Variants in RAPGEF2 observed in about 807,000 individuals in gnomAD.
RAPGEF2 encodes the protein Rap guanine nucleotide exchange factor 2.
In RAPGEF2, 54 loss-of-function variants were observed where a neutral mutation model predicts 186.7. The ratio of observed to expected loss-of-function variants is 0.29; its 90% CI spans 0.23 to 0.36. The LOEUF (loss-of-function observed/expected upper bound fraction) is 0.36. RAPGEF2 is among the 10% of genes least tolerant of loss of function. RAPGEF2 has a pLI of 1.00. For missense variants in RAPGEF2, 1,532 were observed against 2,045.0 expected (o/e 0.75, Z 4.84); for synonymous variants, 712 against 705.9 (o/e 1.01, Z -0.14).
Position 159,257,847 on chromosome 4 carries a change from A to G in RAPGEF2, c.543+14056A>G, listed in dbSNP as rs116429938. On this transcript the variant is annotated intron_variant, in intron 7 of 29. Transcript: ENST00000691494. The stretch of plus-strand genomic sequence containing the variant: ...CTGTAGACTTGTATAATTTGAAGTC[A>G]GGGTAGCATGATGCCTCCAGCTTTG... 3.5e-3 allele frequency among the ~76,000 whole-genome samples: 539 copies of G among 152,254 alleles called. 4 individuals are homozygous for G. Among genetic ancestry groups the G allele is most frequent in the African/African-American group, 0.012 (514 of 41,548 alleles).
At chr4:159,203,583 G>C (rs1231508521) in intron 3 of RAPGEF2, among the ~76,000 whole-genome samples, 2 of 152,160 alleles carry the variant, frequency 1.3e-5, no homozygotes, top group Non-Finnish European at 2.9e-5. Flanking sequence ...ATTTACAAGA[G>C]AAAATATACT....
intron 24 of RAPGEF2, 49 bp from the exon 25 acceptor site, chr4:159,346,740 C>G: frequency 6.8e-7 from 1 of 1,468,228 alleles, no homozygotes; most frequent in African/African-American, 1.4e-5. Context: ...TACATACCTA[C>G]TAGCATCTAA....
chr4:159,295,740 T>TGCGC (rs1761884964), intron 7 of RAPGEF2, among the ~76,000 whole-genome samples: 2 of 134,274 alleles, frequency 1.5e-5, no homozygotes, highest in Non-Finnish European at 3.1e-5. Context: ...TGTGTGTGTG[T>TGCGC]GTGTGTGTGT....
intron 8 of RAPGEF2, among the ~76,000 whole-genome samples, chr4:159,312,453 C>T (rs1281193854): frequency 2.0e-5 from 3 of 152,122 alleles, no homozygotes; most frequent in Non-Finnish European, 2.9e-5. Context: ...ACAACCTTGG[C>T]ATACTATATC....
At chr4:159,257,397 C>T (rs1249342031) in intron 7 of RAPGEF2, among the ~76,000 whole-genome samples, 2 of 152,100 alleles carry the variant, frequency 1.3e-5, no homozygotes, top group Non-Finnish European at 2.9e-5. Context: ...AGAGAAATTC[C>T]CGTCTTTAAA....
intron 1 of RAPGEF2, among the ~76,000 whole-genome samples, chr4:159,140,254 C>T (rs2111160547): frequency 6.6e-6 from 1 of 152,192 alleles, no homozygotes; most frequent in Admixed American, 6.5e-5. Context: ...AGTATAGATT[C>T]AGTAATTTAG....
intron 1 of RAPGEF2, among the ~76,000 whole-genome samples, chr4:159,169,634 G>GA (rs1442906140): frequency 6.6e-6 from 1 of 150,948 alleles, no homozygotes; most frequent in Non-Finnish European, 1.5e-5. Flanking sequence ...CTACTCCTGT[G>GA]AATTCAACTT....
In RAPGEF2 at chr4:159,356,114, G is replaced by T. The variant is rs751777450; in HGVS notation, c.4913G>T (p.Arg1638Leu). Residue 1638 changes from arginine (R) to leucine (L), a missense_variant, in exon 29 of 30, where the codon CGC becomes CTC. This residue lies in a region of RAPGEF2 where 594 missense variants were observed against 608.5 expected (regional missense o/e 0.98). Transcript: ENST00000691494. ...QWHKPNESDP[R>L]LAPYQSQGFS... ...CATAAACCGAACGAGTCTGACCCGCGCCTCGCCCCCTATCAGTCCCAAGGG... is the reference window on the plus strand; with the variant it reads ...CATAAACCGAACGAGTCTGACCCGCTCCTCGCCCCCTATCAGTCCCAAGGG... 1 of 1,614,174 alleles carries T rather than the reference G, an allele frequency of 6.2e-7. No homozygotes were observed.
chr4:159,355,916 T>C lies in RAPGEF2; in HGVS notation c.4715T>C (p.Ile1572Thr). The stretch of plus-strand genomic sequence containing the variant: ...CCTCCCGGCTACATTGGAATTCCCA[T>C]TACTGACTTTCCAGAAGGGCACTCC... ...PTPPGYIGIP[I>T]TDFPEGHSHP... The change falls in exon 29 of 30, where the codon ATT becomes ACT. Residue 1572 changes from isoleucine (I) to threonine (T), a missense_variant. Ile to Thr is a moderately conservative substitution (Grantham distance 89). Around this residue, in one of 4 missense-constraint regions of RAPGEF2, gnomAD observed 594 missense variants for 608.5 expected, o/e 0.98. Coordinates refer to ENST00000691494, the MANE Select transcript of RAPGEF2 (RefSeq NM_001394067.2). The C allele has an allele frequency of 1.2e-6, 1 of 835,092 alleles. No homozygotes were observed. Among genetic ancestry groups the C allele is most frequent in the Admixed American group, 2.2e-5 (1 of 44,680 alleles). The allele number at this position is 835,092 out of a possible 1,614,324, so 51.7% of individuals were successfully genotyped here.
In RAPGEF2 at chr4:159,322,273, C is replaced by T; in HGVS notation, c.854-74C>T. The T allele has an allele frequency of 2.8e-6, 4 of 1,438,174 alleles. No individual in the cohort carries two copies. In the South Asian group the frequency reaches 5.0e-5, roughly 18 times the overall value. 89.1% of individuals were successfully genotyped at this position (1,438,174 alleles called of 1,614,324 possible). A position where few individuals can be genotyped will look rare whatever the true frequency, so the allele number is the denominator to read the frequency against. ...GTAGGGCATTTAAAAAGAAAGGACC[C>T]TAAAACATTCTTTTTGAATACTTGT... On this transcript the variant is annotated intron_variant, in intron 9 of 29. Transcript: ENST00000691494.
At chr4:159,282,783 A>G (rs1759902040) in intron 7 of RAPGEF2, 1 of 340,160 alleles carries the variant, frequency 2.9e-6, no homozygotes, top group African/African-American at 2.2e-5. Context: ...TAAATATGCC[A>G]TTATACATTA....
intron 7 of RAPGEF2, among the ~76,000 whole-genome samples, chr4:159,244,761 T>G (rs1392662107): frequency 1.3e-5 from 2 of 151,944 alleles, no homozygotes; most frequent in African/African-American, 4.8e-5. Context: ...TTTTTCGAAT[T>G]AAAATGAGAC....
chr4:159,293,798 C>G (rs1452287494), intron 7 of RAPGEF2, among the ~76,000 whole-genome samples: 2 of 152,136 alleles, frequency 1.3e-5, no homozygotes, highest in Admixed American at 6.5e-5. Flanking sequence ...CATTTTTTGG[C>G]TCAGTTGTGT....
chr4:159,173,647 TTTGG>T (rs1442444371), intron 1 of RAPGEF2, among the ~76,000 whole-genome samples: 2 of 152,040 alleles, frequency 1.3e-5, no homozygotes, highest in Non-Finnish European at 2.9e-5. Flanking sequence ...GGGGAAGGTG[TTTGG>T]TTGATGTTAT....
In RAPGEF2 at chr4:159,120,718, T is replaced by G. The variant is rs1430916237; in HGVS notation, c.69+16487T>G. Among the ~76,000 whole-genome samples, 4 of 152,356 alleles carry G rather than the reference T, an allele frequency of 2.6e-5. No individual in the cohort carries two copies. In the East Asian group the frequency reaches 7.7e-4, roughly 29 times the overall value. On this transcript the variant is annotated intron_variant, in intron 1 of 29. Transcript: ENST00000691494. ...TTTCTTTTGGTGGGACTACAACATATGCCTGAATTTGCAGTCTAAGTTAGG... is the reference window on the plus strand; with the variant it reads ...TTTCTTTTGGTGGGACTACAACATAGGCCTGAATTTGCAGTCTAAGTTAGG...
chr4:159,341,444 C>G (rs1436320894), intron 19 of RAPGEF2, 120 bp from the exon 20 acceptor site: 1 of 1,038,666 alleles, frequency 9.6e-7, no homozygotes, highest in African/African-American at 1.6e-5. Context: ...AAAAAGAAAT[C>G]TTCCATAATT....
chr4:159,117,125 T>A (rs1179436911), intron 1 of RAPGEF2, among the ~76,000 whole-genome samples: 1 of 152,108 alleles, frequency 6.6e-6, no homozygotes, highest in East Asian at 1.9e-4. Context: ...TAGAAATGAG[T>A]TTTAAAAACT....
At chr4:159,357,022 T>G (rs543596217) in intron 29 of RAPGEF2, among the ~76,000 whole-genome samples, 14 of 152,210 alleles carry the variant, frequency 9.2e-5, no homozygotes, top group Non-Finnish European at 1.8e-4. Flanking sequence ...TATTTGCGCT[T>G]TTAATGAATT....
Position 159,344,062 on chromosome 4 carries a change from A to G in RAPGEF2, c.3278+3A>G. On this transcript the variant is annotated splice_donor_region_variant and intron_variant, in intron 23 of 29. Transcript: ENST00000691494. ...AAGAAGAAATGGCGGAGTTTGGGGT[A>G]AGTGGTGGAGACCTTGCATACCCAC... 1 of 1,533,054 alleles carries G rather than the reference A, an allele frequency of 6.5e-7. No individual in the cohort carries two copies. Among genetic ancestry groups the G allele is most frequent in the Non-Finnish European group, 9.0e-7 (1 of 1,106,294 alleles). The allele number at this position is 1,533,054 out of a possible 1,614,324, so 95.0% of individuals were successfully genotyped here. A position where few individuals can be genotyped will look rare whatever the true frequency, so the allele number is the denominator to read the frequency against.
Sources: gnomAD v4.1 joint callset for allele counts (sites outside exome capture counted in the v4.1 genomes callset) on GRCh38, gnomAD v4.1.1 for gene constraint, gnomAD v4.1.1 regional missense constraint, MANE v1.5 for transcripts, NCBI Gene and HGNC (gene_info 2026-07-23, HGNC 2026-07-21) for gene names.